The following VPS13C variants were observed in gnomAD, a reference collection of about 807,000 sequenced individuals.
VPS13C encodes the protein intermembrane lipid transfer protein VPS13C.
In VPS13C, 358 loss-of-function variants were observed where a neutral mutation model predicts 456.8. The observed-to-expected ratio is 0.78, with a 90% CI of 0.72 to 0.86. VPS13C has a LOEUF of 0.86. VPS13C is among the 40% of genes least tolerant of loss of function. The pLI is 0.00. For synonymous variants in VPS13C, 1,578 were observed against 1,486.7 expected, an observed-to-expected ratio of 1.06 and a Z score of -1.41; for missense variants, 4,818 against 4,385.4, an observed-to-expected ratio of 1.10 and a Z score of -2.79.
rs746214733 is a variant in VPS13C at position 62,060,262 on chromosome 15, C to A, written c.100+13G>T. 1 of 1,575,060 alleles carries A rather than the reference C, an allele frequency of 6.3e-7. No homozygotes were observed. Among genetic ancestry groups the A allele is most frequent in the Admixed American group, 1.7e-5 (1 of 58,996 alleles). ...CAGCGCCCGCAGCCCACTGGCCGCGCCCTCTCGCTTACCGCCCCAGATGCC... is the reference window on the plus strand; with the variant it reads ...CAGCGCCCGCAGCCCACTGGCCGCGACCTCTCGCTTACCGCCCCAGATGCC... On this transcript the variant is annotated intron_variant, in intron 1 of 84. Coordinates refer to ENST00000644861, the MANE Select transcript of VPS13C (RefSeq NM_020821.3).
At position 62,008,963 on chromosome 15, in the gene VPS13C, C is replaced by T. The variant is rs538025408; in HGVS notation, c.1012-202G>A. 1.2e-4 allele frequency among the ~76,000 whole-genome samples: 18 copies of T among 152,196 alleles called. No homozygotes were observed. The South Asian group carries it at 1.7e-3, about 14-fold the overall frequency. ...CAGTTCATCAAATTTAAGACACTAT[C>T]AATTTTAAGTTGTAATATAATTTTA... On this transcript the variant is annotated intron_variant, in intron 13 of 84. Coordinates refer to ENST00000644861, the MANE Select transcript of VPS13C (RefSeq NM_020821.3).
Position 61,910,344 on chromosome 15 carries a change from C to T in VPS13C, c.8716-39G>A, listed in dbSNP as rs757005422. 28 of 1,360,866 alleles carry T rather than the reference C, an allele frequency of 2.1e-5. No individual in the cohort carries two copies. In the African/African-American group the frequency reaches 2.6e-4, roughly 12 times the overall value. 84.3% of individuals were successfully genotyped at this position (1,360,866 alleles called of 1,614,324 possible). A position where few individuals can be genotyped will look rare whatever the true frequency, so the allele number is the denominator to read the frequency against. The stretch of plus-strand genomic sequence containing the variant: ...AGTTATTATCAGTCTTAAGACAATA[C>T]CGTTATATAATAAATAAGACATTAC... On this transcript the variant is annotated intron_variant, in intron 63 of 84. Transcript: ENST00000644861.
intron 28 of VPS13C, among the ~76,000 whole-genome samples, chr15:61,968,874 G>A (rs986904579): frequency 6.6e-6 from 1 of 152,028 alleles, no homozygotes; most frequent in South Asian, 2.1e-4. Flanking sequence ...ATTAAATACA[G>A]GATATTCAGT....
At chr15:62,059,527 C>G (rs1007988734) in intron 1 of VPS13C, among the ~76,000 whole-genome samples, 4 of 152,130 alleles carry the variant, frequency 2.6e-5, no homozygotes, top group Admixed American at 1.3e-4. Flanking sequence ...ACTTAATCTC[C>G]AGGATAAAAA....
At chr15:61,926,221 A>G (rs1395092994) in intron 52 of VPS13C, among the ~76,000 whole-genome samples, 1 of 152,150 alleles carries the variant, frequency 6.6e-6, no homozygotes, top group African/African-American at 2.4e-5. Flanking sequence ...CAATATAGCA[A>G]GACCCCCTTC....
rs774659973 is a variant in VPS13C, at chr15:62,028,350, A to AT, written c.448+7dup. ...TATAGTTGAATATAATTAACCATGC[A>AT]TACCCACCAGGCTTGATGTCCTTGT... On this transcript the variant is annotated splice_region_variant and intron_variant, in intron 6 of 84. Coordinates refer to ENST00000644861, the MANE Select transcript of VPS13C (RefSeq NM_020821.3). The AT allele has an allele frequency of 2.5e-6, 4 of 1,612,800 alleles. No homozygotes were observed. The highest frequency in any genetic ancestry group is 3.4e-6 in the Non-Finnish European group (4 of 1,179,120).
chr15:61,929,974 C>A (rs951931776), intron 50 of VPS13C, among the ~76,000 whole-genome samples: 2 of 152,060 alleles, frequency 1.3e-5, no homozygotes, highest in African/African-American at 2.4e-5. Flanking sequence ...TTTATACTTA[C>A]AATGCAATTC....
At chr15:61,878,119 G>A (rs1423139452) in intron 74 of VPS13C, among the ~76,000 whole-genome samples, 6 of 151,666 alleles carry the variant, frequency 4.0e-5, no homozygotes, top group Admixed American at 3.3e-4. Flanking sequence ...TGTCTTTTCA[G>A]TTTAGGTTTT....
chr15:62,053,720 T>C (rs76094739), intron 1 of VPS13C, among the ~76,000 whole-genome samples: 1,703 of 152,276 alleles, frequency 0.011, 29 homozygotes, highest in African/African-American at 0.039. Flanking sequence ...AGAGATGGAA[T>C]AAGATTAAAG....
At chr15:62,046,377 GA>G (rs997693493) in intron 1 of VPS13C, among the ~76,000 whole-genome samples, 1 of 151,998 alleles carries the variant, frequency 6.6e-6, no homozygotes, top group East Asian at 1.9e-4. Flanking sequence ...GCAACAGGGG[GA>G]AAAAAGTCCT....
chr15:61,918,304 C>A, intron 58 of VPS13C, 47 bp from the exon 59 acceptor site: 21 of 1,440,090 alleles, frequency 1.5e-5, no homozygotes, highest in Admixed American at 5.3e-5. Context: ...TATGTAAGTT[C>A]GAAAGAAAAA....
At chr15:62,013,794 G>C in intron 10 of VPS13C, 139 bp downstream of exon 10, 1 of 570,274 alleles carries the variant, frequency 1.8e-6, no homozygotes, top group South Asian at 2.9e-5. Context: ...GGGTCACATA[G>C]TAAGTAGCAG....
intron 1 of VPS13C, among the ~76,000 whole-genome samples, chr15:62,056,837 GTC>G (rs1289085045): frequency 2.0e-5 from 3 of 152,184 alleles, no homozygotes; most frequent in African/African-American, 7.2e-5. Flanking sequence ...CTTTCTCTCT[GTC>G]TCCTCTCTCT....
intron 56 of VPS13C, 58 bp downstream of exon 56, chr15:61,920,440 A>G (rs2043617024): frequency 6.7e-7 from 1 of 1,488,656 alleles, no homozygotes; most frequent in African/African-American, 1.4e-5. Context: ...TGACAAAAAA[A>G]TTATATGTTT....
intron 66 of VPS13C, among the ~76,000 whole-genome samples, chr15:61,895,449 T>C (rs1429890744): frequency 6.6e-6 from 1 of 152,032 alleles, no homozygotes; most frequent in Non-Finnish European, 1.5e-5. Flanking sequence ...GGACAAACTT[T>C]TAGCTAGACT....
At chr15:61,906,449 T>G (rs374616819) in intron 66 of VPS13C, among the ~76,000 whole-genome samples, 1 of 152,200 alleles carries the variant, frequency 6.6e-6, no homozygotes, top group South Asian at 2.1e-4. Context: ...CAGAATGTCA[T>G]TGCTACCTTC....
At chr15:62,055,489 C>T (rs956194465) in intron 1 of VPS13C, among the ~76,000 whole-genome samples, 6 of 151,238 alleles carry the variant, frequency 4.0e-5, no homozygotes, top group Middle Eastern at 3.2e-3. Context: ...GATCTGCCTG[C>T]CTCGGCCTCC....
intron 2 of VPS13C, among the ~76,000 whole-genome samples, chr15:62,041,848 AC>A (rs956602868): frequency 5.3e-5 from 8 of 152,116 alleles, no homozygotes; most frequent in African/African-American, 1.9e-4. Flanking sequence ...TTAAACTTTG[AC>A]TTTAAAGAAA....
At position 61,946,243 on chromosome 15, in the gene VPS13C, A is replaced by G. The variant is rs961160731; in HGVS notation, c.4980+64T>C. On this transcript the variant is annotated intron_variant, in intron 44 of 84. Coordinates refer to ENST00000644861, the MANE Select transcript of VPS13C (RefSeq NM_020821.3). ...TAATAAATGTATACTGTGCAAATAA[A>G]TAATAGCATCTCAAATCCAAAAGGC... The G allele has an allele frequency of 2.4e-6, 3 of 1,241,044 alleles. No homozygotes were observed. The African/African-American group carries it at 4.6e-5, about 19-fold the overall frequency. The allele number at this position is 1,241,044 out of a possible 1,614,324, so 76.9% of individuals were successfully genotyped here.
Sources: gnomAD v4.1 joint callset for allele counts (sites outside exome capture counted in the v4.1 genomes callset) on GRCh38, gnomAD v4.1.1 for gene constraint, MANE v1.5 for transcripts, NCBI Gene and HGNC (gene_info 2026-07-23, HGNC 2026-07-21) for gene names.